KLHL15: variants seen among roughly 807,000 people sequenced by gnomAD.
The protein encoded by KLHL15 is kelch-like protein 15.
A neutral mutation model predicts 29.3 loss-of-function variants in KLHL15; 1 was observed. That is an observed-to-expected ratio of 0.03 (90% CI 0.01 to 0.16). The LOEUF is 0.16. Ranked by LOEUF, KLHL15 falls within the 10% of genes least tolerant of loss-of-function variation. KLHL15 has a pLI of 1.00. For synonymous variants in KLHL15, 212 were observed against 184.5 expected (o/e 1.15, Z -1.21); for missense variants, 215 against 478.5 (o/e 0.45, Z 5.14).
intron 2 of KLHL15, among the ~76,000 whole-genome samples, chrX:24,022,594 G>T (rs748468283): frequency 2.9e-5 from 3 of 103,332 alleles, no homozygotes; most frequent in South Asian, 9.0e-4. Flanking sequence ...GGATCGGATC[G>T]CACCACTCCA....
chrX:23,999,423 G>A (rs753215696), intron 3 of KLHL15, among the ~76,000 whole-genome samples: 3 of 107,071 alleles, frequency 2.8e-5, no homozygotes, highest in East Asian at 3.0e-4. Context: ...GTGAAACCCC[G>A]TCTCTACTAA....
At chrX:23,994,007 A>C (rs1386697946) in intron 3 of KLHL15, among the ~76,000 whole-genome samples, 3 of 105,460 alleles carry the variant, frequency 2.8e-5, no homozygotes, top group African/African-American at 1.1e-4. Context: ...TGATAGTGCC[A>C]CTGCACTCCA....
At chrX:24,017,325 GT>G (rs1424559839) in intron 2 of KLHL15, among the ~76,000 whole-genome samples, 1 of 110,268 alleles carries the variant, frequency 9.1e-6, no homozygotes, top group Non-Finnish European at 1.9e-5. Context: ...CAGAAATTTT[GT>G]TAACTTCCTA....
intron 2 of KLHL15, among the ~76,000 whole-genome samples, chrX:24,009,300 C>A (rs1244904879): frequency 2.7e-5 from 3 of 110,483 alleles, no homozygotes; most frequent in African/African-American, 9.9e-5. Context: ...GAGTTTGAGA[C>A]CAGCCTGGCC....
At chrX:23,992,745 G>A (rs146629855) in intron 3 of KLHL15, among the ~76,000 whole-genome samples, 1,394 of 112,173 alleles carry the variant, frequency 0.012, 21 homozygotes, top group African/African-American at 0.038. Flanking sequence ...AAAGGGGAAC[G>A]TATCTAAATC....
intron 2 of KLHL15, among the ~76,000 whole-genome samples, chrX:24,016,091 G>A (rs188966532): frequency 1.6e-3 from 177 of 108,143 alleles, no homozygotes; most frequent in Middle Eastern, 4.7e-3. Context: ...ACTCACGCTT[G>A]TAATCTCAGC....
chrX:24,012,084 G>A (rs1312846483), intron 2 of KLHL15, among the ~76,000 whole-genome samples: 1 of 110,071 alleles, frequency 9.1e-6, no homozygotes, highest in Non-Finnish European at 1.9e-5. Flanking sequence ...GAACCTGGGA[G>A]GTGGAGGTTG....
chrX:24,013,124 G>C (rs1448931563), intron 2 of KLHL15, among the ~76,000 whole-genome samples: 2 of 111,384 alleles, frequency 1.8e-5, no homozygotes, highest in Non-Finnish European at 3.8e-5. Context: ...TAGAGACAGG[G>C]TCTTGCTATG....
At chrX:24,008,943 A>G (rs2079661522) in intron 2 of KLHL15, among the ~76,000 whole-genome samples, 2 of 109,485 alleles carry the variant, frequency 1.8e-5, no homozygotes, top group Non-Finnish European at 3.8e-5. Context: ...TCTTTCTCTT[A>G]GCTTTCTATT....
intron 2 of KLHL15, among the ~76,000 whole-genome samples, chrX:24,016,635 C>A (rs1459054546): frequency 9.2e-6 from 1 of 109,099 alleles, no homozygotes; most frequent in Non-Finnish European, 1.9e-5. Flanking sequence ...CCACTGCACT[C>A]CAGCCTGGGC....
intron 3 of KLHL15, among the ~76,000 whole-genome samples, chrX:24,005,613 TATTTTTAAAAA>T (rs2147104177): frequency 8.9e-6 from 1 of 112,207 alleles, no homozygotes; most frequent in South Asian, 3.7e-4. Context: ...TACTTAAATT[TATTTTTAAAAA>T]GAGATCTAGC....
At chrX:24,023,244 G>T (rs1199940652) in intron 2 of KLHL15, among the ~76,000 whole-genome samples, 1 of 111,383 alleles carries the variant, frequency 9.0e-6, no homozygotes, top group Non-Finnish European at 1.9e-5. Context: ...CCCGACTCGA[G>T]GTAGAGAGAA....
intron 3 of KLHL15, among the ~76,000 whole-genome samples, chrX:23,997,455 T>C (rs1380394631): frequency 9.1e-6 from 1 of 109,763 alleles, no homozygotes; most frequent in East Asian, 2.9e-4. Flanking sequence ...ATAAAATTTT[T>C]GGCCAGGCGG....
intron 3 of KLHL15, among the ~76,000 whole-genome samples, chrX:23,990,420 AG>A (rs1169909045): frequency 9.0e-6 from 1 of 111,486 alleles, no homozygotes; most frequent in Non-Finnish European, 1.9e-5. Context: ...TATAAGAAGT[AG>A]GGGACCAAGC....
At chrX:23,992,320 GTATCAGCTAT>G (rs1245527256) in intron 3 of KLHL15, among the ~76,000 whole-genome samples, 1 of 112,295 alleles carries the variant, frequency 8.9e-6, no homozygotes, top group African/African-American at 3.2e-5. Context: ...TGTGCAAAAA[GTATCAGCTAT>G]TATTAGCTAT....
intron 2 of KLHL15, among the ~76,000 whole-genome samples, chrX:24,021,798 C>A (rs1929809993): frequency 9.1e-6 from 1 of 109,823 alleles, no homozygotes; most frequent in Non-Finnish European, 1.9e-5. Context: ...ATGCCTCACC[C>A]ATGGCTCCAT....
chrX:24,000,177 G>A (rs1161704138), intron 3 of KLHL15, among the ~76,000 whole-genome samples: 1 of 112,088 alleles, frequency 8.9e-6, no homozygotes, highest in Non-Finnish European at 1.9e-5. Context: ...TTGAAATAAA[G>A]GTTACTATCT....
At chrX:24,002,057 C>T (rs1182218801) in intron 3 of KLHL15, among the ~76,000 whole-genome samples, 1 of 109,176 alleles carries the variant, frequency 9.2e-6, no homozygotes, top group Non-Finnish European at 1.9e-5. Context: ...GGCGTGAACC[C>T]GGCAGGTGGA....
chrX:23,993,255 G>GA (rs5901743), intron 3 of KLHL15, among the ~76,000 whole-genome samples: 24,908 of 110,680 alleles, frequency 0.23, 3,301 homozygotes, highest in African/African-American at 0.5. Flanking sequence ...AATCTGTGTG[G>GA]AATTGCGATG....
Sources: allele counts gnomAD v4.1 joint callset (sites outside exome capture counted in the v4.1 genomes callset), GRCh38; gene constraint gnomAD v4.1.1; transcripts MANE v1.5; gene names NCBI Gene and HGNC (gene_info 2026-07-23, HGNC 2026-07-21).